The following APPL2 variants were observed in gnomAD, a reference collection of about 807,000 sequenced individuals.
The protein encoded by APPL2 is adaptor protein, phosphotyrosine interacting with PH domain and leucine zipper 2.
APPL2 carries 84 observed loss-of-function variants against 92.7 expected under a neutral mutation model. That is an observed-to-expected ratio of 0.91 (90% CI 0.76 to 1.09). The LOEUF (loss-of-function observed/expected upper bound fraction) is 1.09. Among genes scored for constraint, APPL2 ranks in the 50% least tolerant of loss-of-function variants. The pLI is 0.00. For synonymous variants in APPL2, 291 were observed against 291.0 expected (o/e 1.00, Z 0.00); for missense variants, 736 against 824.5 (o/e 0.89, Z 1.31).
intron 1 of APPL2, chr12:105,235,503 CATT>C (rs1349458806): frequency 6.5e-6 from 1 of 152,910 alleles, no homozygotes; most frequent in Admixed American, 6.5e-5. Context: ...AAGACTGACT[CATT>C]ATCTGTACCG....
intron 20 of APPL2, among the ~76,000 whole-genome samples, chr12:105,175,501 TATTGCAGAAAGTTCTGTAC>T (rs1885444942): frequency 6.6e-6 from 1 of 152,224 alleles, no homozygotes; most frequent in South Asian, 2.1e-4. Context: ...TCATTTCCAT[TATTGCAGAAAGTTCTGTAC>T]ATTGCTGAAC....
intron 4 of APPL2, among the ~76,000 whole-genome samples, chr12:105,211,715 T>A (rs528113764): frequency 9.9e-5 from 15 of 152,272 alleles, no homozygotes; most frequent in Admixed American, 9.8e-4. Context: ...GCTGCTCGAC[T>A]CTCTCACTCT....
intron 1 of APPL2, among the ~76,000 whole-genome samples, chr12:105,235,041 C>T (rs1455318643): frequency 6.6e-6 from 1 of 152,070 alleles, no homozygotes; most frequent in Non-Finnish European, 1.5e-5. Context: ...GAAGGAACCC[C>T]AAAAGAGAGG....
Position 105,186,266 on chromosome 12 carries a change from A to G in APPL2, c.1634+2007T>C, listed in dbSNP as rs903546728. Among the ~76,000 whole-genome samples, 37 of 152,160 alleles carry G rather than the reference A, an allele frequency of 2.4e-4. 1 individual carries two copies. The highest frequency in any genetic ancestry group is 8.4e-4 in the African/African-American group (35 of 41,430). On this transcript the variant is annotated intron_variant, in intron 17 of 20. Coordinates refer to ENST00000258530, the MANE Select transcript of APPL2 (RefSeq NM_018171.5). The stretch of plus-strand genomic sequence containing the variant: ...GCATCCCAAAATCCAAAATGCTCCA[A>G]TGAGCATCTCTTTTGAGCATCAAGT...
chr12:105,189,338 C>T lies in APPL2; in HGVS notation c.1459+434G>A, dbSNP rs376214125. On this transcript the variant is annotated intron_variant, in intron 16 of 20. Coordinates refer to ENST00000258530, the MANE Select transcript of APPL2 (RefSeq NM_018171.5). ...GAGCCAGCGTGCCGGCCATCAGATA[C>T]GTTCTTAAGTACATTATAAGAATGT... Among the ~76,000 whole-genome samples the T allele has an allele frequency of 3.7e-4, 57 of 152,240 alleles. 2 individuals are homozygous for T. The highest frequency in any genetic ancestry group is 3.4e-3 in the Middle Eastern group (1 of 294).
At chr12:105,216,407 T>C (rs150981326) in intron 4 of APPL2, among the ~76,000 whole-genome samples, 1 of 152,146 alleles carries the variant, frequency 6.6e-6, no homozygotes, top group Non-Finnish European at 1.5e-5. Flanking sequence ...GGTTGAACTG[T>C]GACCCTCCCC....
chr12:105,207,682 G>A (rs1180102764), intron 7 of APPL2, among the ~76,000 whole-genome samples: 1 of 152,240 alleles, frequency 6.6e-6, no homozygotes, highest in Admixed American at 6.5e-5. Context: ...AGGAGTTCAA[G>A]TGACCTGGGT....
chr12:105,227,592 C>T (rs1428912569), intron 2 of APPL2, among the ~76,000 whole-genome samples: 1 of 152,164 alleles, frequency 6.6e-6, no homozygotes, highest in African/African-American at 2.4e-5. Context: ...CATCCTTTAC[C>T]ACCTGACCCC....
intron 9 of APPL2, chr12:105,203,303 T>C (rs1888388045): frequency 6.0e-6 from 1 of 167,384 alleles, no homozygotes; most frequent in Non-Finnish European, 1.3e-5. Context: ...TTAAAATTAA[T>C]TCCAAAAAGG....
intron 1 of APPL2, among the ~76,000 whole-genome samples, chr12:105,230,710 A>C (rs1435446716): frequency 1.3e-5 from 2 of 152,190 alleles, no homozygotes; most frequent in Non-Finnish European, 2.9e-5. Context: ...CACATGCTCT[A>C]CCCAGACTCT....
chr12:105,182,437 T>C (rs1466137622), intron 17 of APPL2, among the ~76,000 whole-genome samples: 1 of 152,268 alleles, frequency 6.6e-6, no homozygotes, highest in Non-Finnish European at 1.5e-5. Context: ...GTTCCAGAGA[T>C]TGTGGTATGT....
intron 11 of APPL2, among the ~76,000 whole-genome samples, chr12:105,197,044 G>C (rs1196744): frequency 0.6 from 90,496 of 151,940 alleles, 29,404 homozygotes; most frequent in East Asian, 0.9. Context: ...AGAATGCAGT[G>C]TGAGAAGAGC....
chr12:105,233,197 T>C, intron 1 of APPL2: 6 of 985,448 alleles, frequency 6.1e-6, no homozygotes, highest in Non-Finnish European at 7.2e-6. Flanking sequence ...TGTTGCCTCA[T>C]TATCTGTCTC....
chr12:105,211,982 G>GA (rs1889260297), intron 4 of APPL2, among the ~76,000 whole-genome samples: 1 of 152,056 alleles, frequency 6.6e-6, no homozygotes, highest in African/African-American at 2.4e-5. Context: ...TAGCCAGCAT[G>GA]GTGGCGGGCA....
At chr12:105,191,823 T>C (rs1366075911) in intron 14 of APPL2, among the ~76,000 whole-genome samples, 1 of 152,194 alleles carries the variant, frequency 6.6e-6, no homozygotes, top group African/African-American at 2.4e-5. Flanking sequence ...TTTCTTGATG[T>C]TCCTTCTCAA....
In APPL2 at chr12:105,210,611, C is replaced by T. The variant is rs564017875; in HGVS notation, c.373+619G>A. Among the ~76,000 whole-genome samples the T allele has an allele frequency of 9.9e-5, 15 of 152,168 alleles. No homozygotes were observed. The East Asian group carries it at 1.2e-3, about 12-fold the overall frequency. On this transcript the variant is annotated intron_variant, in intron 5 of 20. Transcript: ENST00000258530. ...TCTAAGAAATATAAAATTGTCCTAA[C>T]GCTTTATTTTAGTTGAAGAACCAAA...
chr12:105,233,333 A>G, intron 1 of APPL2: 1 of 985,496 alleles, frequency 1.0e-6, no homozygotes, highest in African/African-American at 1.7e-5. Flanking sequence ...CTTAATCCCT[A>G]AAATGTTCAG....
At chr12:105,194,974 A>G (rs1354063620) in intron 14 of APPL2, among the ~76,000 whole-genome samples, 1 of 152,084 alleles carries the variant, frequency 6.6e-6, no homozygotes, top group Non-Finnish European at 1.5e-5. Flanking sequence ...AGAACTCCTG[A>G]CTAGGAGGAC....
chr12:105,196,425 C>CTTT (rs59820038), intron 11 of APPL2, among the ~76,000 whole-genome samples: 3 of 83,866 alleles, frequency 3.6e-5, no homozygotes, highest in Non-Finnish European at 4.7e-5. Flanking sequence ...GGCGTTAACT[C>CTTT]TTTTTTTTTT....
Sources: gnomAD v4.1 joint callset for allele counts (sites outside exome capture counted in the v4.1 genomes callset) on GRCh38, gnomAD v4.1.1 for gene constraint, MANE v1.5 for transcripts, NCBI Gene and HGNC (gene_info 2026-07-23, HGNC 2026-07-21) for gene names.